The following LAMA2 variants were observed in gnomAD, a reference collection of about 807,000 sequenced individuals.
LAMA2 encodes the protein laminin subunit alpha-2.
In LAMA2, 269 loss-of-function variants were observed where a neutral mutation model predicts 364.8. The observed-to-expected ratio is 0.74, with a 90% CI of 0.67 to 0.82. The LOEUF (loss-of-function observed/expected upper bound fraction) is 0.82. Among genes scored for constraint, LAMA2 ranks in the 40% least tolerant of loss-of-function variants. The pLI, the probability that LAMA2 is intolerant of heterozygous loss-of-function variation, is 0.00. For synonymous variants in LAMA2, 1,379 were observed against 1,370.6 expected (o/e 1.01, Z -0.14); for missense variants, 3,807 against 3,873.2 (o/e 0.98, Z 0.45).
intron 10 of LAMA2, among the ~76,000 whole-genome samples, chr6:129,189,041 T>A (rs1204679743): frequency 6.6e-6 from 1 of 152,080 alleles, no homozygotes; most frequent in East Asian, 1.9e-4. Context: ...ATGAAGCTAA[T>A]GCTCAGTGCT....
At chr6:129,024,707 A>G (rs867398317) in intron 1 of LAMA2, among the ~76,000 whole-genome samples, 3 of 151,986 alleles carry the variant, frequency 2.0e-5, no homozygotes, top group African/African-American at 4.8e-5. Context: ...ATTTTTCTAA[A>G]TAAATTAATA....
intron 1 of LAMA2, among the ~76,000 whole-genome samples, chr6:128,890,113 G>A (rs1049157857): frequency 7.2e-5 from 11 of 152,100 alleles, no homozygotes; most frequent in East Asian, 1.9e-4. Context: ...ACTGACCCCC[G>A]AACTGTGTAC....
rs551397482 is a variant in LAMA2 at position 129,391,392 on chromosome 6, C to T, written c.5072-99C>T. 2.8e-5 allele frequency: 28 copies of T among 1,012,568 alleles called. No individual in the cohort carries two copies. In the South Asian group the frequency reaches 3.4e-4, roughly 12 times the overall value. The allele number at this position is 1,012,568 out of a possible 1,614,324, so 62.7% of individuals were successfully genotyped here. On this transcript the variant is annotated intron_variant, in intron 35 of 64. Coordinates refer to ENST00000421865, the MANE Select transcript of LAMA2 (RefSeq NM_000426.4). ...GCAGGAACACTCACGGCAAAATACT[C>T]TTCATTTGGAGATGGTGGTGCCCAG...
At chr6:129,236,950 C>T (rs1230009376) in intron 12 of LAMA2, among the ~76,000 whole-genome samples, 2 of 152,092 alleles carry the variant, frequency 1.3e-5, no homozygotes, top group African/African-American at 2.4e-5. Flanking sequence ...TGCACTCAAA[C>T]GTGTTCAGCA....
At chr6:128,939,456 C>A (rs1410399263) in intron 1 of LAMA2, among the ~76,000 whole-genome samples, 2 of 151,996 alleles carry the variant, frequency 1.3e-5, no homozygotes, top group African/African-American at 4.8e-5. Flanking sequence ...ATAAGGAATG[C>A]AACAGCTTCC....
rs377737049 is a variant in LAMA2, at chr6:128,961,412, A to G, written c.112+78055A>G. ...CTTATACGACTGCATATATATACAT[A>G]TATATATGTATATATCATGGGAGTT... is the stretch of plus-strand genomic sequence containing the variant. On this transcript the variant is annotated intron_variant, in intron 1 of 64. Coordinates refer to ENST00000421865, the MANE Select transcript of LAMA2 (RefSeq NM_000426.4). 5.9e-5 allele frequency among the ~76,000 whole-genome samples: 8 copies of G among 135,840 alleles called. No homozygotes were observed. The South Asian group carries it at 1.9e-3, about 33-fold the overall frequency. The allele number at this position is 135,840 out of a possible 152,430, so 89.1% of individuals were successfully genotyped here.
intron 17 of LAMA2, among the ~76,000 whole-genome samples, chr6:129,278,330 C>T (rs912839197): frequency 1.3e-5 from 2 of 152,148 alleles, no homozygotes; most frequent in South Asian, 2.1e-4. Flanking sequence ...TCAGTGTAGT[C>T]CCACAGAGGT....
At chr6:129,316,940 A>G (rs1299538238) in intron 27 of LAMA2, among the ~76,000 whole-genome samples, 1 of 152,236 alleles carries the variant, frequency 6.6e-6, no homozygotes, top group Non-Finnish European at 1.5e-5. Context: ...TAATTGTAAA[A>G]AGAAGGAATA....
In LAMA2 at chr6:129,473,334, C is replaced by T. The variant is rs773498119; in HGVS notation, c.7421C>T (p.Pro2474Leu). The T allele has an allele frequency of 9.3e-6, 15 of 1,612,262 alleles. No individual in the cohort carries two copies. In the South Asian group the frequency reaches 1.4e-4, roughly 15 times the overall value. Reference sequence around the variant, plus strand: ...GACAAAATATATTTTGGTGGCCTGCCAACGCTGAGAAACTTGAGGTAATTT... The same window carrying T: ...GACAAAATATATTTTGGTGGCCTGCTAACGCTGAGAAACTTGAGGTAATTT... Reference protein sequence around the residue: ...ADDKIYFGGLPTLRNLSMKAR... With the variant: ...ADDKIYFGGLLTLRNLSMKAR... Residue 2474 changes from proline (P) to leucine (L), a missense_variant, in exon 52 of 65, where the codon CCA becomes CTA. Transcript: ENST00000421865.
chr6:129,181,703 C>A (rs910130424), intron 10 of LAMA2, among the ~76,000 whole-genome samples: 7 of 151,638 alleles, frequency 4.6e-5, no homozygotes, highest in African/African-American at 1.7e-4. Flanking sequence ...AACTGACTCA[C>A]AGAATTGTAA....
intron 1 of LAMA2, among the ~76,000 whole-genome samples, chr6:129,049,557 T>G (rs9402097): frequency 4.6e-5 from 7 of 151,594 alleles, no homozygotes; most frequent in African/African-American, 1.7e-4. Flanking sequence ...ATACTAGATA[T>G]AAAATATCTG....
chr6:129,274,246 TA>T (rs909119717), intron 17 of LAMA2, among the ~76,000 whole-genome samples: 6 of 149,780 alleles, frequency 4.0e-5, no homozygotes, highest in South Asian at 2.1e-4. Flanking sequence ...CTGAAATGTT[TA>T]AAAAAAAAAT....
chr6:129,497,995 G>T (rs1172708163), intron 58 of LAMA2, among the ~76,000 whole-genome samples: 1 of 152,156 alleles, frequency 6.6e-6, no homozygotes, highest in Admixed American at 6.5e-5. Flanking sequence ...GGTAGAGGTA[G>T]ATAAGAGGCT....
At chr6:128,915,818 T>TTTA (rs934938747) in intron 1 of LAMA2, among the ~76,000 whole-genome samples, 17 of 152,306 alleles carry the variant, frequency 1.1e-4, no homozygotes, top group African/African-American at 4.1e-4. Context: ...AATCCAAGTC[T>TTTA]TTATAGTTGT....
At chr6:128,911,359 G>T (rs1056052384) in intron 1 of LAMA2, among the ~76,000 whole-genome samples, 1 of 152,048 alleles carries the variant, frequency 6.6e-6, no homozygotes, top group Non-Finnish European at 1.5e-5. Context: ...TTTTAAGCCC[G>T]TCGGAAAGGC....
chr6:129,421,611 C>A (rs1781078417), intron 40 of LAMA2, among the ~76,000 whole-genome samples: 1 of 152,100 alleles, frequency 6.6e-6, no homozygotes, highest in Non-Finnish European at 1.5e-5. Context: ...AGGTTCTCTC[C>A]AAATTCCAGT....
intron 58 of LAMA2, among the ~76,000 whole-genome samples, chr6:129,500,008 G>A (rs1362902107): frequency 6.6e-6 from 1 of 151,894 alleles, no homozygotes; most frequent in African/African-American, 2.4e-5. Context: ...TTCCTGCCTC[G>A]GCTTTCCAAA....
intron 1 of LAMA2, among the ~76,000 whole-genome samples, chr6:129,020,158 A>G (rs957421405): frequency 5.9e-5 from 9 of 151,930 alleles, no homozygotes; most frequent in African/African-American, 1.9e-4. Flanking sequence ...GTGATTTGGT[A>G]GAAAGCTAGC....
intron 4 of LAMA2, among the ~76,000 whole-genome samples, chr6:129,126,900 A>G (rs1257928566): frequency 6.6e-6 from 1 of 152,036 alleles, no homozygotes; most frequent in Non-Finnish European, 1.5e-5. Context: ...GTGAAACGCC[A>G]CCAGAAAAAA....
Sources: allele counts gnomAD v4.1 joint callset (sites outside exome capture counted in the v4.1 genomes callset), GRCh38; gene constraint gnomAD v4.1.1; transcripts MANE v1.5; gene names NCBI Gene and HGNC (gene_info 2026-07-23, HGNC 2026-07-21).